ZNF208: variants seen among roughly 807,000 people sequenced by gnomAD.
ZNF208 encodes the protein zinc finger protein 208.
Under a neutral mutation model 12.1 loss-of-function variants are expected in ZNF208, and 10 were observed. The observed-to-expected ratio is 0.83, with a 90% CI of 0.51 to 1.40. The LOEUF (loss-of-function observed/expected upper bound fraction) is 1.40. Ranked by LOEUF, ZNF208 falls within the 40% of genes most tolerant of loss-of-function variation. The pLI is 0.00. For missense variants in ZNF208, 1,652 were observed against 1,485.0 expected (o/e 1.11, Z -1.85); for synonymous variants, 497 against 488.4 (o/e 1.02, Z -0.23).
At chr19:21,986,038 C>T (rs956008510) in intron 3 of ZNF208, among the ~76,000 whole-genome samples, 15 of 152,282 alleles carry the variant, frequency 9.9e-5, no homozygotes, top group Non-Finnish European at 1.5e-4. Context: ...GCCCTGTGAC[C>T]GAGCTACAAC....
In ZNF208 at chr19:21,980,747, A is replaced by G. The variant is rs185223396; in HGVS notation, c.227-5940T>C. ...AGAACTGAAGGAGATAGACACAAAA[A>G]ATCCTTCAAAAAAATCAATGAATCC... On this transcript the variant is annotated intron_variant, in intron 3 of 3. Transcript: ENST00000397126. Among the ~76,000 whole-genome samples the G allele has an allele frequency of 1.7e-3, 256 of 152,244 alleles. 1 individual carries two copies. The highest frequency in any genetic ancestry group is 5.9e-3 in the African/African-American group (247 of 41,556).
intron 1 of ZNF208, among the ~76,000 whole-genome samples, chr19:22,003,225 T>C (rs1253568099): frequency 6.6e-6 from 1 of 152,116 alleles, no homozygotes; most frequent in African/African-American, 2.4e-5. Context: ...AAAAAGGATA[T>C]ATTTTAAAAA....
intron 1 of ZNF208, among the ~76,000 whole-genome samples, chr19:21,995,489 G>A (rs10418451): frequency 0.046 from 7,064 of 152,152 alleles, 449 homozygotes; most frequent in African/African-American, 0.14. Context: ...ATTCTGTTCT[G>A]GACATTCTCC....
chr19:21,968,020 T>C lies in ZNF208; in HGVS notation c.*3171A>G, dbSNP rs1166145228. On this transcript the variant is annotated 3_prime_UTR_variant, in exon 4 of 4. Transcript: ENST00000397126. The stretch of plus-strand genomic sequence containing the variant: ...TGTTGCTATTGTAAATAGAGCTGTG[T>C]TTTTTATTTTGTTCTCAGTTTGAAT... 1.3e-5 allele frequency: 2 copies of C among 152,134 alleles called. No individual in the cohort carries two copies. Among genetic ancestry groups the C allele is most frequent in the Non-Finnish European group, 2.9e-5 (2 of 68,026 alleles). 9.4% of individuals were successfully genotyped at this position (152,134 alleles called of 1,614,324 possible). A position where few individuals can be genotyped will look rare whatever the true frequency, so the allele number is the denominator to read the frequency against.
At chr19:22,000,242 A>G (rs1430190210) in intron 1 of ZNF208, among the ~76,000 whole-genome samples, 3 of 152,322 alleles carry the variant, frequency 2.0e-5, no homozygotes, top group African/African-American at 4.8e-5. Context: ...TCATCGAAAA[A>G]TACCGTAATA....
chr19:21,996,638 T>A (rs1970839867), intron 1 of ZNF208, among the ~76,000 whole-genome samples: 1 of 152,138 alleles, frequency 6.6e-6, no homozygotes. Flanking sequence ...ATGGGTAAAG[T>A]AGCAATAGGT....
At chr19:21,975,051 A>C (rs1970403346) in intron 3 of ZNF208, among the ~76,000 whole-genome samples, 3 of 152,178 alleles carry the variant, frequency 2.0e-5, no homozygotes. Flanking sequence ...GCAGAGTCAC[A>C]CAGAAAAAAA....
chr19:21,949,084 AAAAACTTTAGT>A (rs1376447007), intron 4 of ZNF208, among the ~76,000 whole-genome samples: 1 of 152,222 alleles, frequency 6.6e-6, no homozygotes, highest in African/African-American at 2.4e-5. Flanking sequence ...AAAGGCTGAG[AAAAACTTTAGT>A]AAAACAAACC....
chr19:21,968,944 G>C lies in ZNF208; in HGVS notation c.*2247C>G, dbSNP rs1308268043. On this transcript the variant is annotated 3_prime_UTR_variant, in exon 4 of 4. Coordinates refer to ENST00000397126, the MANE Select transcript of ZNF208 (RefSeq NM_007153.3). The stretch of plus-strand genomic sequence containing the variant: ...TCATGCCTGCAATCCCAGGACTTTG[G>C]GTGGCCAAGGTGGGCATATCATGAG... Among the ~76,000 whole-genome samples the C allele has an allele frequency of 1.3e-5, 2 of 152,060 alleles. No homozygotes were observed. The highest frequency in any genetic ancestry group is 4.8e-5 in the African/African-American group (2 of 41,406).
chr19:21,958,017 G>A (rs1340953448), intron 4 of ZNF208, among the ~76,000 whole-genome samples: 1 of 151,706 alleles, frequency 6.6e-6, no homozygotes, highest in African/African-American at 2.4e-5. Context: ...CCCGGAGTGT[G>A]ATGTTTCCCT....
chr19:21,965,667 C>T (rs538712389), downstream of ZNF208: 20 of 151,816 alleles, frequency 1.3e-4, no homozygotes, highest in African/African-American at 3.9e-4. Flanking sequence ...ATAACCCCCA[C>T]TTTCTGTTGA....
chr19:21,977,736 G>A (rs2079064), intron 3 of ZNF208, among the ~76,000 whole-genome samples: 88,802 of 151,936 alleles, frequency 0.58, 26,221 homozygotes, highest in East Asian at 0.69. Flanking sequence ...AGACAGAACC[G>A]TTCACTCCCC....
chr19:21,970,694 G>C lies in ZNF208; in HGVS notation c.*497C>G. On this transcript the variant is annotated 3_prime_UTR_variant, in exon 4 of 4. Coordinates refer to ENST00000397126, the MANE Select transcript of ZNF208 (RefSeq NM_007153.3). ...TTGCCACATTCTTCTCATTTGTAGA[G>C]TTTCTCTCCAGCATGAATTTTCTTA... 2 of 1,151,206 alleles carry C rather than the reference G, an allele frequency of 1.7e-6. No homozygotes were observed. Among genetic ancestry groups the C allele is most frequent in the Middle Eastern group, 4.1e-4 (2 of 4,924 alleles). The allele number at this position is 1,151,206 out of a possible 1,614,324, so 71.3% of individuals were successfully genotyped here.
chr19:21,994,000 GA>G (rs1442974698), intron 1 of ZNF208, among the ~76,000 whole-genome samples: 2 of 152,138 alleles, frequency 1.3e-5, no homozygotes, highest in Admixed American at 6.5e-5. Context: ...CCTTTCAGTT[GA>G]TACTAAGTGT....
intron 1 of ZNF208, among the ~76,000 whole-genome samples, chr19:21,994,989 T>C (rs1158794205): frequency 2.0e-5 from 3 of 151,098 alleles, no homozygotes; most frequent in Non-Finnish European, 4.4e-5. Flanking sequence ...TCTCACTTTG[T>C]TGCCCGGGCT....
chr19:21,960,420 C>T (rs1249815831), intron 4 of ZNF208, among the ~76,000 whole-genome samples: 1 of 152,064 alleles, frequency 6.6e-6, no homozygotes, highest in Non-Finnish European at 1.5e-5. Flanking sequence ...AAGTGGATTA[C>T]TCACAATAAC....
At chr19:21,978,763 T>G (rs1444497607) in intron 3 of ZNF208, among the ~76,000 whole-genome samples, 12 of 152,008 alleles carry the variant, frequency 7.9e-5, no homozygotes, top group Non-Finnish European at 1.5e-4. Flanking sequence ...ATTTCAGAGG[T>G]GGGTTATAAC....
chr19:21,975,714 C>T (rs1282513063), intron 3 of ZNF208, among the ~76,000 whole-genome samples: 1 of 147,406 alleles, frequency 6.8e-6, no homozygotes, highest in South Asian at 2.2e-4. Flanking sequence ...AATAGGAACA[C>T]AAAAGTGTAT....
chr19:21,946,433 C>T (rs566823956), intron 4 of ZNF208, among the ~76,000 whole-genome samples: 11 of 152,316 alleles, frequency 7.2e-5, no homozygotes, highest in Admixed American at 2.0e-4. Context: ...TGGATCACAG[C>T]CTTATAGTGG....
Sources: gnomAD v4.1 joint callset for allele counts (sites outside exome capture counted in the v4.1 genomes callset) on GRCh38, gnomAD v4.1.1 for gene constraint, MANE v1.5 for transcripts, NCBI Gene and HGNC (gene_info 2026-07-23, HGNC 2026-07-21) for gene names.